FBXO4: variants seen among roughly 807,000 people sequenced by gnomAD.
FBXO4 encodes F-box protein 4.
FBXO4 carries 36 observed loss-of-function variants against 43.7 expected under a neutral mutation model. The observed-to-expected ratio is 0.82, with a 90% CI of 0.63 to 1.09. The LOEUF (loss-of-function observed/expected upper bound fraction) is 1.09. Among genes scored for constraint, FBXO4 ranks in the 50% least tolerant of loss-of-function variants. FBXO4 has a pLI of 0.00. For synonymous variants in FBXO4, 180 were observed against 165.6 expected, an observed-to-expected ratio of 1.09 and a Z score of -0.67; for missense variants, 435 against 474.1, an observed-to-expected ratio of 0.92 and a Z score of 0.77.
At chr5:41,995,237 C>T in the FBXO4 span, among the ~76,000 whole-genome samples, 3 of 152,112 alleles carry the variant, frequency 2.0e-5, no homozygotes, top group Non-Finnish European at 1.5e-5. Flanking sequence ...TAAGGCATTC[C>T]GTGAGTCCAT....
At chr5:42,037,438 ATAAAGT>A in the FBXO4 span, among the ~76,000 whole-genome samples, 1 of 152,082 alleles carries the variant, frequency 6.6e-6, no homozygotes, top group East Asian at 1.9e-4. Context: ...TACAAATTTT[ATAAAGT>A]TAATCAGGGA....
intron 5 of FBXO4, chr5:41,934,649 C>G: frequency 9.1e-7 from 1 of 1,101,862 alleles, no homozygotes; most frequent in African/African-American, 1.6e-5. Flanking sequence ...TATTTTTTTG[C>G]TTTATGCTTC....
At chr5:41,992,163 G>T in the FBXO4 span, among the ~76,000 whole-genome samples, 6 of 151,902 alleles carry the variant, frequency 3.9e-5, no homozygotes, top group East Asian at 1.2e-3. Flanking sequence ...ATAACACACT[G>T]GTTTATTTAG....
At chr5:42,026,829 G>A in the FBXO4 span, among the ~76,000 whole-genome samples, 7 of 151,838 alleles carry the variant, frequency 4.6e-5, no homozygotes, top group Non-Finnish European at 8.8e-5. Context: ...CCTTCATTCC[G>A]TTGATATGAT....
chr5:41,991,643 T>A, the FBXO4 span, among the ~76,000 whole-genome samples: 2 of 152,188 alleles, frequency 1.3e-5, no homozygotes, highest in African/African-American at 4.8e-5. Context: ...TATTGTAAAA[T>A]TTTTTGCTCT....
the FBXO4 span, among the ~76,000 whole-genome samples, chr5:42,024,346 TTTG>T: frequency 6.6e-6 from 1 of 152,174 alleles, no homozygotes; most frequent in East Asian, 1.9e-4. Flanking sequence ...TTGAAAAATA[TTTG>T]TTGTCTGTGT....
chr5:42,028,849 C>T, the FBXO4 span, among the ~76,000 whole-genome samples: 9 of 151,760 alleles, frequency 5.9e-5, no homozygotes, highest in African/African-American at 1.7e-4. Context: ...CTTTGTCTCC[C>T]GCTTTTTACC....
the FBXO4 span, among the ~76,000 whole-genome samples, chr5:42,017,301 C>A: frequency 6.6e-6 from 1 of 151,864 alleles, no homozygotes; most frequent in African/African-American, 2.4e-5. Flanking sequence ...ATATTGATAT[C>A]AAACGGAAGA....
In FBXO4 at chr5:41,929,903, A is replaced by C; in HGVS notation, c.632A>C (p.Gln211Pro). ...EELCPTAGLP[Q>P]RQIDGIGSGV... The stretch of plus-strand genomic sequence containing the variant: ...CTTTGCCCAACAGCTGGTTTGCCTC[A>C]GAGGCAGATTGATGGTAATTTTCAT... Residue 211 changes from glutamine (Q) to proline (P), a missense_variant, in exon 3 of 7, where the codon CAG (glutamine) becomes CCG (proline). Physicochemically the swap from Gln to Pro is moderately conservative, Grantham distance 76. Transcript: ENST00000281623. The C allele has an allele frequency of 6.2e-7, 1 of 1,609,686 alleles. No individual in the cohort carries two copies.
At chr5:41,968,288 G>C in the FBXO4 span, 1 of 166,578 alleles carries the variant, frequency 6.0e-6, no homozygotes, top group Non-Finnish European at 1.3e-5. Flanking sequence ...AGGTGGAAAG[G>C]GCGAGGACAG....
At chr5:41,996,230 C>CTGCT in the FBXO4 span, among the ~76,000 whole-genome samples, 1 of 152,196 alleles carries the variant, frequency 6.6e-6, no homozygotes, top group African/African-American at 2.4e-5. Flanking sequence ...TGATGGAATG[C>CTGCT]TGCTGTGCAC....
the FBXO4 span, among the ~76,000 whole-genome samples, chr5:41,965,315 C>T: frequency 1.3e-5 from 2 of 152,132 alleles, no homozygotes; most frequent in African/African-American, 4.8e-5. Flanking sequence ...AGTCAGGTAG[C>T]ATGATGCCTC....
chr5:41,945,448 A>G (rs1197537835), downstream of FBXO4, among the ~76,000 whole-genome samples: 1 of 152,238 alleles, frequency 6.6e-6, no homozygotes, highest in African/African-American at 2.4e-5. Flanking sequence ...GCTATGGAAT[A>G]AAGATGAAAT....
intron 5 of FBXO4, among the ~76,000 whole-genome samples, chr5:41,937,807 A>G (rs984110922): frequency 6.6e-6 from 1 of 152,262 alleles, no homozygotes; most frequent in East Asian, 1.9e-4. Context: ...GCATTCTCAC[A>G]TGACAGAAGA....
At chr5:41,943,282 A>C (rs1304282713), downstream of FBXO4, among the ~76,000 whole-genome samples, 2 of 152,264 alleles carry the variant, frequency 1.3e-5, no homozygotes, top group South Asian at 4.1e-4. Context: ...GTGCTATATT[A>C]GCATTATCCA....
chr5:42,007,587 C>G, the FBXO4 span, among the ~76,000 whole-genome samples: 1 of 152,022 alleles, frequency 6.6e-6, no homozygotes, highest in South Asian at 2.1e-4. Context: ...GTACCCAGTC[C>G]CTTGCTTAAT....
the FBXO4 span, among the ~76,000 whole-genome samples, chr5:41,974,404 T>A: frequency 6.6e-6 from 1 of 152,220 alleles, no homozygotes; most frequent in South Asian, 2.1e-4. Flanking sequence ...CTTCTTGTTT[T>A]TTGTTTGTTT....
the FBXO4 span, among the ~76,000 whole-genome samples, chr5:41,980,708 A>G: frequency 6.6e-6 from 1 of 151,958 alleles, no homozygotes; most frequent in Non-Finnish European, 1.5e-5. Flanking sequence ...GCATTTACTT[A>G]GATTTATCCA....
the FBXO4 span, among the ~76,000 whole-genome samples, chr5:42,008,564 C>T: frequency 2.4e-4 from 37 of 152,252 alleles, no homozygotes; most frequent in Non-Finnish European, 4.4e-4. Flanking sequence ...ACAGACATGT[C>T]TAACTAAGTA....
Sources: allele counts gnomAD v4.1 joint callset (sites outside exome capture counted in the v4.1 genomes callset), GRCh38; gene constraint gnomAD v4.1.1; transcripts MANE v1.5; gene names NCBI Gene and HGNC (gene_info 2026-07-23, HGNC 2026-07-21).